The following FSTL5 variants were observed in gnomAD, a reference collection of about 807,000 sequenced individuals.
FSTL5 encodes the protein follistatin like 5.
In FSTL5, 62 loss-of-function variants were observed where a neutral mutation model predicts 89.1. The observed-to-expected ratio is 0.70, with a 90% CI of 0.57 to 0.86. The LOEUF (loss-of-function observed/expected upper bound fraction) is 0.86. FSTL5 is among the 40% of genes least tolerant of loss of function. The pLI is 0.00. For missense variants in FSTL5, 1,057 were observed against 1,001.6 expected, an observed-to-expected ratio of 1.06 and a Z score of -0.75; for synonymous variants, 383 against 346.2, an observed-to-expected ratio of 1.11 and a Z score of -1.18.
chr4:161,432,144 C>T (rs1486708058), intron 15 of FSTL5, among the ~76,000 whole-genome samples: 1 of 152,082 alleles, frequency 6.6e-6, no homozygotes, highest in African/African-American at 2.4e-5. Context: ...TATCCAATGG[C>T]TTCAGAATAC....
At chr4:161,852,191 A>G (rs1560881553) in intron 4 of FSTL5, among the ~76,000 whole-genome samples, 1 of 151,912 alleles carries the variant, frequency 6.6e-6, no homozygotes, top group Non-Finnish European at 1.5e-5. Context: ...ATATATATAT[A>G]TATATTTATT....
chr4:161,412,060 G>C (rs1450144337), intron 15 of FSTL5, among the ~76,000 whole-genome samples: 1 of 152,112 alleles, frequency 6.6e-6, no homozygotes, highest in Non-Finnish European at 1.5e-5. Flanking sequence ...TCCAGGCTGA[G>C]AGTGAAATCA....
chr4:161,857,339 A>AT (rs981650654), intron 4 of FSTL5, among the ~76,000 whole-genome samples: 6 of 152,118 alleles, frequency 3.9e-5, no homozygotes, highest in African/African-American at 1.4e-4. Flanking sequence ...AGAAATCAGT[A>AT]TTTTCTGTGA....
At chr4:162,006,975 A>C (rs1204896882) in intron 3 of FSTL5, among the ~76,000 whole-genome samples, 1 of 151,894 alleles carries the variant, frequency 6.6e-6, no homozygotes, top group Non-Finnish European at 1.5e-5. Flanking sequence ...GTTCCATGTT[A>C]GTCCTTGAGA....
intron 3 of FSTL5, among the ~76,000 whole-genome samples, chr4:161,986,287 C>T (rs906791651): frequency 9.9e-5 from 15 of 152,136 alleles, no homozygotes; most frequent in South Asian, 2.1e-4. Flanking sequence ...CGGTGGCTCA[C>T]GCCTGTAATC....
intron 4 of FSTL5, among the ~76,000 whole-genome samples, chr4:161,914,226 T>A (rs749474735): frequency 3.3e-5 from 5 of 152,258 alleles, no homozygotes; most frequent in Admixed American, 6.5e-5. Context: ...GGAATATCCA[T>A]AAATCTATCA....
At chr4:161,784,888 G>A (rs1417443519) in intron 4 of FSTL5, among the ~76,000 whole-genome samples, 4 of 660 alleles carry the variant, frequency 6.1e-3, no homozygotes, top group Admixed American at 0.033. Flanking sequence ...GCAAGACTCC[G>A]TCTCAAAAAA....
intron 7 of FSTL5, among the ~76,000 whole-genome samples, chr4:161,628,948 C>CT (rs1008150052): frequency 2.6e-5 from 4 of 152,166 alleles, no homozygotes; most frequent in African/African-American, 9.7e-5. Context: ...TTTCTATACA[C>CT]TTATAATTTT....
chr4:161,466,895 T>G (rs1164628483), intron 13 of FSTL5, among the ~76,000 whole-genome samples: 1 of 152,068 alleles, frequency 6.6e-6, no homozygotes, highest in African/African-American at 2.4e-5. Flanking sequence ...AATATTATAT[T>G]GTCATAAAAT....
intron 6 of FSTL5, among the ~76,000 whole-genome samples, chr4:161,657,785 AACAC>A (rs961871046): frequency 6.6e-6 from 1 of 152,170 alleles, no homozygotes; most frequent in Non-Finnish European, 1.5e-5. Flanking sequence ...CATATAATTC[AACAC>A]ACACACACGT....
At chr4:162,083,773 C>T (rs940582764) in intron 2 of FSTL5, among the ~76,000 whole-genome samples, 4 of 151,686 alleles carry the variant, frequency 2.6e-5, no homozygotes, top group South Asian at 2.1e-4. Context: ...GCACAATCAA[C>T]GTTAGGAGAG....
At chr4:161,969,104 T>A (rs1364022332) in intron 3 of FSTL5, among the ~76,000 whole-genome samples, 1 of 152,082 alleles carries the variant, frequency 6.6e-6, no homozygotes, top group Non-Finnish European at 1.5e-5. Flanking sequence ...TTGGAGGGGC[T>A]TTATTTTTTG....
chr4:161,957,062 T>C (rs1416235954), intron 3 of FSTL5, among the ~76,000 whole-genome samples: 2 of 152,028 alleles, frequency 1.3e-5, no homozygotes, highest in Non-Finnish European at 2.9e-5. Context: ...AGGTAAAATA[T>C]GCAGATGCTA....
intron 4 of FSTL5, among the ~76,000 whole-genome samples, chr4:161,780,269 G>A (rs1307523049): frequency 6.6e-6 from 1 of 151,660 alleles, no homozygotes; most frequent in African/African-American, 2.4e-5. Flanking sequence ...TACAGAAGAA[G>A]AGACATTTAG....
chr4:162,081,413 G>A (rs975748786), intron 2 of FSTL5, among the ~76,000 whole-genome samples: 1 of 151,490 alleles, frequency 6.6e-6, no homozygotes, highest in South Asian at 2.1e-4. Context: ...CTGGCACTTC[G>A]TTACTCAAAG....
intron 1 of FSTL5, among the ~76,000 whole-genome samples, chr4:162,126,939 T>A (rs1732104417): frequency 6.6e-6 from 1 of 152,198 alleles, no homozygotes; most frequent in African/African-American, 2.4e-5. Context: ...CATCTGACTA[T>A]GCTGAGAGCA....
chr4:161,835,125 A>ACAG (rs981963077), intron 4 of FSTL5, among the ~76,000 whole-genome samples: 46 of 148,648 alleles, frequency 3.1e-4, no homozygotes, highest in African/African-American at 1.1e-3. Flanking sequence ...ATGGAACAGA[A>ACAG]CAGAGCCCTC....
intron 4 of FSTL5, among the ~76,000 whole-genome samples, chr4:161,836,750 T>A (rs1353814052): frequency 1.3e-5 from 2 of 151,938 alleles, no homozygotes; most frequent in Non-Finnish European, 2.9e-5. Context: ...TTATTAAAAA[T>A]AAATTTTTTA....
At chr4:161,618,002 T>G (rs535295901) in intron 7 of FSTL5, among the ~76,000 whole-genome samples, 25 of 151,252 alleles carry the variant, frequency 1.7e-4, no homozygotes, top group African/African-American at 5.1e-4. Flanking sequence ...ATTTCATTGA[T>G]GAGTGGTTTG....
Sources: allele counts gnomAD v4.1 joint callset (sites outside exome capture counted in the v4.1 genomes callset), GRCh38; gene constraint gnomAD v4.1.1; transcripts MANE v1.5; gene names NCBI Gene and HGNC (gene_info 2026-07-23, HGNC 2026-07-21).